The following SUCLG1 variants were observed in gnomAD, a reference collection of about 807,000 sequenced individuals.
SUCLG1 encodes succinate--CoA ligase [ADP/GDP-forming] subunit alpha, mitochondrial.
SUCLG1 carries 26 observed loss-of-function variants against 37.3 expected under a neutral mutation model. The ratio of observed to expected loss-of-function variants is 0.70; its 90% confidence interval spans 0.51 to 0.97. The LOEUF is 0.97. Ranked by LOEUF, SUCLG1 falls within the 50% of genes least tolerant of loss-of-function variation. The probability of loss-of-function intolerance (pLI) is 0.00; values close to 1 mark genes in which losing one functional copy is unlikely to be tolerated. For synonymous variants in SUCLG1, 163 were observed against 155.6 expected, an observed-to-expected ratio of 1.05 and a Z score of -0.36; for missense variants, 433 against 432.9, an observed-to-expected ratio of 1.00 and a Z score of 0.00.
At chr2:84,452,022 A>G (rs756406540) in intron 1 of SUCLG1, among the ~76,000 whole-genome samples, 4 of 152,210 alleles carry the variant, frequency 2.6e-5, no homozygotes, top group Non-Finnish European at 5.9e-5. Flanking sequence ...GAGTTCGTTC[A>G]TTGATTCAAT....
intron 2 of SUCLG1, among the ~76,000 whole-genome samples, chr2:84,444,156 G>A (rs1252725372): frequency 6.6e-6 from 1 of 152,106 alleles, no homozygotes; most frequent in Non-Finnish European, 1.5e-5. Flanking sequence ...CTAGGCTTCT[G>A]GGGCTTGACT....
At chr2:84,423,916 G>T in intron 8 of SUCLG1, 144 bp from the exon 9 acceptor site, 1 of 881,920 alleles carries the variant, frequency 1.1e-6, no homozygotes. Context: ...AATGTACCAG[G>T]ATGAGGGTGT....
At chr2:84,443,440 C>G in intron 2 of SUCLG1, 40 bp from the exon 3 acceptor site, 1 of 1,575,368 alleles carries the variant, frequency 6.3e-7, no homozygotes, top group Non-Finnish European at 8.7e-7. Flanking sequence ...AAACAGCAGA[C>G]TGGTAAGCCC....
intron 1 of SUCLG1, among the ~76,000 whole-genome samples, chr2:84,455,759 C>T (rs1461903148): frequency 1.3e-5 from 2 of 150,760 alleles, no homozygotes; most frequent in Non-Finnish European, 2.9e-5. Flanking sequence ...CGGCTTGAAC[C>T]TGGGAGGCGG....
intron 2 of SUCLG1, among the ~76,000 whole-genome samples, chr2:84,446,030 GC>G (rs1330873103): frequency 6.6e-6 from 1 of 152,206 alleles, no homozygotes; most frequent in Non-Finnish European, 1.5e-5. Context: ...CTGCCTCATG[GC>G]CTCACTGTGC....
intron 7 of SUCLG1, among the ~76,000 whole-genome samples, chr2:84,430,519 A>G (rs1486465991): frequency 2.0e-5 from 3 of 152,180 alleles, no homozygotes; most frequent in African/African-American, 4.8e-5. Flanking sequence ...CACAAAAGAA[A>G]ATCAAGTATA....
In SUCLG1 at chr2:84,440,959, G is replaced by C. The variant is rs924363526; in HGVS notation, c.589+88C>G. On this transcript the variant is annotated intron_variant, in intron 5 of 8. Coordinates refer to ENST00000393868, the MANE Select transcript of SUCLG1 (RefSeq NM_003849.4). ...TACTCAAGTCAAATTAATTAAACTT[G>C]ATTTGCAAAGTCAAAAATTCTTTGT... The C allele has an allele frequency of 5.9e-6, 8 of 1,363,880 alleles. No homozygotes were observed. In the Admixed American group the frequency reaches 8.7e-5, roughly 15 times the overall value. 84.5% of individuals were successfully genotyped at this position (1,363,880 alleles called of 1,614,324 possible). A position where few individuals can be genotyped will look rare whatever the true frequency, so the allele number is the denominator to read the frequency against.
chr2:84,423,851 G>A lies in SUCLG1; in HGVS notation c.1015-79C>T, dbSNP rs905612420. 5.6e-6 allele frequency: 8 copies of A among 1,437,344 alleles called. No homozygotes were observed. In the African/African-American group the frequency reaches 1.1e-4, roughly 20 times the overall value. The allele number at this position is 1,437,344 out of a possible 1,614,324, so 89.0% of individuals were successfully genotyped here. A position where few individuals can be genotyped will look rare whatever the true frequency, so the allele number is the denominator to read the frequency against. ...TCCAAATCACATTTAGGATCAAAAT[G>A]ATTTTGAAACCTATTATCTTTAGGA... On this transcript the variant is annotated intron_variant, in intron 8 of 8. Transcript: ENST00000393868.
chr2:84,436,717 C>A (rs541720398), intron 5 of SUCLG1, among the ~76,000 whole-genome samples: 10 of 152,196 alleles, frequency 6.6e-5, no homozygotes, highest in Non-Finnish European at 1.5e-4. Context: ...CACACTGATT[C>A]TCCAATTAAG....
chr2:84,450,468 T>C (rs1053751528), intron 1 of SUCLG1, among the ~76,000 whole-genome samples: 1 of 148,152 alleles, frequency 6.7e-6, no homozygotes, highest in Non-Finnish European at 1.5e-5. Flanking sequence ...AAAGAGAAAT[T>C]GAGAAATCTA....
At position 84,441,179 on chromosome 2, in the gene SUCLG1, A is replaced by G. The variant is rs1672766841; in HGVS notation, c.531+68T>C. 3.1e-6 allele frequency: 5 copies of G among 1,611,990 alleles called. No homozygotes were observed. In the East Asian group the frequency reaches 1.1e-4, roughly 36 times the overall value. ...AGGTCATACACACAAATACACTCGCATTCACTCAAAGCTGTTTAGCCTTGT... is the reference window on the plus strand; with the variant it reads ...AGGTCATACACACAAATACACTCGCGTTCACTCAAAGCTGTTTAGCCTTGT... On this transcript the variant is annotated intron_variant, in intron 4 of 8. Coordinates refer to ENST00000393868, the MANE Select transcript of SUCLG1 (RefSeq NM_003849.4).
At chr2:84,441,561 G>T in intron 3 of SUCLG1, 102 bp from the exon 4 acceptor site, 1 of 1,281,828 alleles carries the variant, frequency 7.8e-7, no homozygotes, top group Non-Finnish European at 1.1e-6. Flanking sequence ...GTAAGAAAAG[G>T]ACACTACCCA....
intron 2 of SUCLG1, 29 bp from the exon 3 acceptor site, chr2:84,443,429 G>C (rs1186465466): frequency 1.3e-6 from 2 of 1,598,182 alleles, no homozygotes; most frequent in Non-Finnish European, 1.7e-6. Context: ...AGATCCATGA[G>C]AAACAGCAGA....
At position 84,443,051 on chromosome 2, in the gene SUCLG1, C is replaced by T. The variant is rs79101523; in HGVS notation, c.318+233G>A. ...ACTGGAAGAAGAAAGGTAAGGAAAG[C>T]GTAAAAAGCCCAACAGAAGCCTGGC... On this transcript the variant is annotated intron_variant, in intron 3 of 8. Transcript: ENST00000393868. 0.01 allele frequency among the ~76,000 whole-genome samples: 1,577 copies of T among 152,270 alleles called. 40 individuals are homozygous for T. Among genetic ancestry groups the T allele is most frequent in the African/African-American group, 0.036 (1,483 of 41,542 alleles).
intron 5 of SUCLG1, among the ~76,000 whole-genome samples, chr2:84,437,006 C>G (rs1672697301): frequency 6.6e-6 from 1 of 152,080 alleles, no homozygotes; most frequent in African/African-American, 2.4e-5. Flanking sequence ...CTTACTGAAC[C>G]CTAATGCATA....
intron 1 of SUCLG1, among the ~76,000 whole-genome samples, chr2:84,450,547 T>G (rs534205262): frequency 6.6e-6 from 1 of 152,294 alleles, no homozygotes; most frequent in South Asian, 2.1e-4. Context: ...CTTAAAATTT[T>G]GGGCTACCTT....
intron 5 of SUCLG1, among the ~76,000 whole-genome samples, chr2:84,435,179 T>C (rs1326251060): frequency 6.6e-6 from 1 of 152,202 alleles, no homozygotes; most frequent in African/African-American, 2.4e-5. Flanking sequence ...TTCATATTTG[T>C]TCTGCTTAAG....
Position 84,425,612 on chromosome 2 carries a change from AAAGT to A in SUCLG1, c.826-13_826-10del, listed in dbSNP as rs1064793276. On this transcript the variant is annotated splice_polypyrimidine_tract_variant and intron_variant, in intron 7 of 8. Coordinates refer to ENST00000393868, the MANE Select transcript of SUCLG1 (RefSeq NM_003849.4). ...GGCTTGGAATTTGGACCCTAGAAAG[AAAGT>A]AATATTTTAAATGCTCTAATGAAGA... is the stretch of plus-strand genomic sequence containing the variant. 2.5e-6 allele frequency: 4 copies of A among 1,614,138 alleles called. No homozygotes were observed. Among genetic ancestry groups the A allele is most frequent in the Non-Finnish European group, 2.5e-6 (3 of 1,180,000 alleles).
At chr2:84,429,216 G>C (rs1672580289) in intron 7 of SUCLG1, among the ~76,000 whole-genome samples, 1 of 152,020 alleles carries the variant, frequency 6.6e-6, no homozygotes, top group South Asian at 2.1e-4. Flanking sequence ...CAACTAACCA[G>C]GAATAGGAAA....
Sources: gnomAD v4.1 joint callset for allele counts (sites outside exome capture counted in the v4.1 genomes callset) on GRCh38, gnomAD v4.1.1 for gene constraint, MANE v1.5 for transcripts, NCBI Gene and HGNC (gene_info 2026-07-23, HGNC 2026-07-21) for gene names.